The following HCN1 variants were observed in gnomAD, a reference collection of about 807,000 sequenced individuals.
The protein encoded by HCN1 is potassium/sodium hyperpolarization-activated cyclic nucleotide-gated channel 1.
In HCN1, 13 loss-of-function variants were observed where a neutral mutation model predicts 78.9. The observed-to-expected ratio is 0.16, with a 90% CI of 0.11 to 0.26. The LOEUF (loss-of-function observed/expected upper bound fraction) is 0.26, where lower values mean the gene tolerates loss of function less well. Among genes scored for constraint, HCN1 ranks in the 10% least tolerant of loss-of-function variants. The pLI is 1.00. For missense variants in HCN1, 810 were observed against 1,154.3 expected, an observed-to-expected ratio of 0.70 and a Z score of 4.32; for synonymous variants, 552 against 455.5, an observed-to-expected ratio of 1.21 and a Z score of -2.70.
chr5:45,659,210 G>A (rs1745862804), intron 1 of HCN1, among the ~76,000 whole-genome samples: 1 of 147,418 alleles, frequency 6.8e-6, no homozygotes, highest in South Asian at 2.2e-4. Context: ...ACCTCACACG[G>A]CAGGGTATTC....
chr5:45,548,434 T>C (rs929372603), intron 2 of HCN1, among the ~76,000 whole-genome samples: 2 of 151,416 alleles, frequency 1.3e-5, no homozygotes, highest in Non-Finnish European at 3.0e-5. Flanking sequence ...GAACCTCTTA[T>C]TTATCAACAG....
intron 6 of HCN1, among the ~76,000 whole-genome samples, chr5:45,274,679 T>A (rs1232850779): frequency 6.6e-6 from 1 of 152,196 alleles, no homozygotes; most frequent in Non-Finnish European, 1.5e-5. Flanking sequence ...CTCTCCAAAT[T>A]TGTGATATAT....
At chr5:45,454,280 G>T (rs997765318) in intron 3 of HCN1, among the ~76,000 whole-genome samples, 2 of 151,880 alleles carry the variant, frequency 1.3e-5, no homozygotes, top group African/African-American at 4.8e-5. Flanking sequence ...TTGTGATGAG[G>T]TCATGTTTCT....
intron 5 of HCN1, among the ~76,000 whole-genome samples, chr5:45,334,827 A>G (rs1024787118): frequency 6.6e-6 from 1 of 152,034 alleles, no homozygotes; most frequent in African/African-American, 2.4e-5. Context: ...AAAATTTATA[A>G]GATGCTGGTA....
intron 5 of HCN1, among the ~76,000 whole-genome samples, chr5:45,316,219 T>G (rs1185362446): frequency 6.6e-6 from 1 of 152,124 alleles, no homozygotes; most frequent in African/African-American, 2.4e-5. Flanking sequence ...TCCACCATGA[T>G]CAAGTGGGCT....
At chr5:45,454,887 A>C (rs1280991610) in intron 3 of HCN1, among the ~76,000 whole-genome samples, 1 of 152,068 alleles carries the variant, frequency 6.6e-6, no homozygotes, top group Non-Finnish European at 1.5e-5. Context: ...TTTACTTAAA[A>C]TATCAATAAA....
chr5:45,584,748 T>A (rs1232167643), intron 2 of HCN1, among the ~76,000 whole-genome samples: 4 of 152,188 alleles, frequency 2.6e-5, no homozygotes, highest in Non-Finnish European at 5.9e-5. Context: ...CTCTCAGCAT[T>A]TGCTTGTCTG....
chr5:45,580,514 C>T (rs1419208988), intron 2 of HCN1, among the ~76,000 whole-genome samples: 2 of 151,794 alleles, frequency 1.3e-5, no homozygotes, highest in Non-Finnish European at 2.9e-5. Context: ...ATCTACAGAG[C>T]TATAAGATTT....
Position 45,655,094 on chromosome 5 carries a change from C to T in HCN1, c.426-9486G>A, listed in dbSNP as rs757097606. Among the ~76,000 whole-genome samples the T allele has an allele frequency of 5.5e-4, 83 of 152,142 alleles. No homozygotes were observed. The Middle Eastern group carries it at 0.014, about 25-fold the overall frequency. ...GTGATGGACAGCACAAAATCAAACA[C>T]GTAACTGTGCCCTTCAGTCTTTAAA... On this transcript the variant is annotated intron_variant, in intron 1 of 7. Coordinates refer to ENST00000303230, the MANE Select transcript of HCN1 (RefSeq NM_021072.4).
chr5:45,665,015 A>G (rs1580033421), intron 1 of HCN1, among the ~76,000 whole-genome samples: 3 of 151,662 alleles, frequency 2.0e-5, no homozygotes, highest in African/African-American at 7.3e-5. Context: ...CTATTGTGGC[A>G]CTATTCACAA....
intron 4 of HCN1, among the ~76,000 whole-genome samples, chr5:45,394,922 T>C (rs999832219): frequency 3.9e-5 from 6 of 152,212 alleles, no homozygotes; most frequent in Non-Finnish European, 7.3e-5. Context: ...CAAACACTTA[T>C]AAGATCAAGA....
At chr5:45,485,801 A>C (rs948692859) in intron 2 of HCN1, among the ~76,000 whole-genome samples, 2 of 152,106 alleles carry the variant, frequency 1.3e-5, no homozygotes, top group Admixed American at 1.3e-4. Context: ...TGTGGTGTGC[A>C]GGGGGTGAAG....
At chr5:45,376,842 T>C (rs1747691505) in intron 4 of HCN1, among the ~76,000 whole-genome samples, 1 of 151,982 alleles carries the variant, frequency 6.6e-6, no homozygotes, top group Non-Finnish European at 1.5e-5. Flanking sequence ...AGGGAGCCAG[T>C]TAAAATCTTC....
intron 3 of HCN1, among the ~76,000 whole-genome samples, chr5:45,426,752 C>G (rs946799121): frequency 1.3e-5 from 2 of 152,126 alleles, no homozygotes; most frequent in Non-Finnish European, 2.9e-5. Context: ...CAAGTCTGCT[C>G]TTCATATGAA....
At chr5:45,352,503 A>T (rs1746929391) in intron 5 of HCN1, among the ~76,000 whole-genome samples, 1 of 152,078 alleles carries the variant, frequency 6.6e-6, no homozygotes, top group South Asian at 2.1e-4. Context: ...GTGCACATGT[A>T]CCCTAAAACT....
intron 4 of HCN1, among the ~76,000 whole-genome samples, chr5:45,372,824 G>A (rs1007557724): frequency 9.3e-5 from 13 of 140,352 alleles, no homozygotes; most frequent in African/African-American, 1.6e-4. Flanking sequence ...ATATATGTAC[G>A]TATTCTATAC....
intron 6 of HCN1, among the ~76,000 whole-genome samples, chr5:45,293,004 G>T (rs1745411012): frequency 6.6e-6 from 1 of 152,018 alleles, no homozygotes; most frequent in Non-Finnish European, 1.5e-5. Context: ...TGCTATGAAA[G>T]CATAAAGAGA....
intron 4 of HCN1, among the ~76,000 whole-genome samples, chr5:45,390,838 T>C (rs1739540755): frequency 6.6e-6 from 1 of 152,134 alleles, no homozygotes; most frequent in Non-Finnish European, 1.5e-5. Context: ...TAAAAATTAT[T>C]TGCCCCAGAT....
chr5:45,382,166 A>T (rs1034179376), intron 4 of HCN1, among the ~76,000 whole-genome samples: 2 of 152,168 alleles, frequency 1.3e-5, no homozygotes, highest in Non-Finnish European at 2.9e-5. Flanking sequence ...GGACTTCTCC[A>T]ACTAACCCTT....
Sources: allele counts gnomAD v4.1 joint callset (sites outside exome capture counted in the v4.1 genomes callset), GRCh38; gene constraint gnomAD v4.1.1; transcripts MANE v1.5; gene names NCBI Gene and HGNC (gene_info 2026-07-23, HGNC 2026-07-21).